Variants in SLCO3A1 observed in about 807,000 individuals in gnomAD.
SLCO3A1 encodes PGE1 transporter.
Under a neutral mutation model 63.1 loss-of-function variants are expected in SLCO3A1, and 27 were observed. The ratio of observed to expected loss-of-function variants is 0.43; its 90% CI spans 0.32 to 0.59. The LOEUF (loss-of-function observed/expected upper bound fraction) is 0.59. SLCO3A1 is among the 20% of genes least tolerant of loss of function. SLCO3A1 has a pLI of 0.09. For synonymous variants in SLCO3A1, 473 were observed against 409.9 expected (o/e 1.15, Z -1.86); for missense variants, 773 against 945.8 (o/e 0.82, Z 2.40).
intron 7 of SLCO3A1, among the ~76,000 whole-genome samples, chr15:92,136,855 G>A (rs144149066): frequency 1.3e-4 from 20 of 152,042 alleles, no homozygotes; most frequent in African/African-American, 4.8e-4. Flanking sequence ...ATTTTGTTTG[G>A]CTTTTTCAGT....
chr15:91,901,330 G>C (rs1472564841), intron 1 of SLCO3A1, among the ~76,000 whole-genome samples: 7 of 152,176 alleles, frequency 4.6e-5, no homozygotes, highest in Non-Finnish European at 8.8e-5. Flanking sequence ...TAAATGAAGT[G>C]TTATGGTTCT....
In SLCO3A1 at chr15:92,033,004, G is replaced by T. The variant is rs1019048984; in HGVS notation, c.647-61877G>T. On this transcript the variant is annotated intron_variant, in intron 2 of 9. Coordinates refer to ENST00000318445, the MANE Select transcript of SLCO3A1 (RefSeq NM_013272.4). This position sits in a 1 kb window ranked among gnomAD's most constrained non-coding sequence, Gnocchi z 4.5. ...GAGGCATCAGGGGAAGTCCATGTCAGTGGATTTAGCTGGTAGTGTGGGATG... is the reference window on the plus strand; with the variant it reads ...GAGGCATCAGGGGAAGTCCATGTCATTGGATTTAGCTGGTAGTGTGGGATG... 6.6e-6 allele frequency among the ~76,000 whole-genome samples: 1 copy of T among 152,202 alleles called. No homozygotes were observed. Among genetic ancestry groups the T allele is most frequent in the East Asian group, 1.9e-4 (1 of 5,190 alleles).
chr15:91,980,837 A>G (rs1006833334), intron 2 of SLCO3A1, among the ~76,000 whole-genome samples: 1 of 152,158 alleles, frequency 6.6e-6, no homozygotes, highest in Non-Finnish European at 1.5e-5. Context: ...TACTTTTCCC[A>G]GGTCCGGGAA....
At position 91,894,336 on chromosome 15, in the gene SLCO3A1, C is replaced by T. The variant is rs147390048; in HGVS notation, c.181-21657C>T. Among the ~76,000 whole-genome samples the T allele has an allele frequency of 6.6e-6, 1 of 152,240 alleles. No homozygotes were observed. The highest frequency in any genetic ancestry group is 2.4e-5 in the African/African-American group (1 of 41,528). On this transcript the variant is annotated intron_variant, in intron 1 of 9. Coordinates refer to ENST00000318445, the MANE Select transcript of SLCO3A1 (RefSeq NM_013272.4). This position sits in a 1 kb window ranked among gnomAD's most constrained non-coding sequence, Gnocchi z 4.8. ...GGAGCCATTGGAAAATACTGAGTAA[C>T]TTGCCATGATGTGACTTTGGTACTC...
chr15:92,146,520 A>G (rs1310602618), intron 7 of SLCO3A1, among the ~76,000 whole-genome samples: 1 of 152,228 alleles, frequency 6.6e-6, no homozygotes, highest in Non-Finnish European at 1.5e-5. Context: ...CTTTGTTCCA[A>G]GTGCCGTGTT....
At chr15:92,162,041 CT>C (rs1391043968) in intron 9 of SLCO3A1, 1 of 152,024 alleles carries the variant, frequency 6.6e-6, no homozygotes, top group East Asian at 1.9e-4. Context: ...CCGTCTTGGC[CT>C]TCTCAGGCTC....
chr15:92,165,736 C>T lies in SLCO3A1; in HGVS notation c.*2601C>T, dbSNP rs949279363. 9 of 984,896 alleles carry T rather than the reference C, an allele frequency of 9.1e-6. No homozygotes were observed. The Admixed American group carries it at 3.7e-4, about 40-fold the overall frequency. The allele number at this position is 984,896 out of a possible 1,614,324, so 61.0% of individuals were successfully genotyped here. A position where few individuals can be genotyped will look rare whatever the true frequency, so the allele number is the denominator to read the frequency against. On this transcript the variant is annotated 3_prime_UTR_variant, in exon 10 of 10. Transcript: ENST00000318445. ...TATAGTACCGAACAGAAAACTCAGT[C>T]TAGTTTTAATTTGCCTTTTGTGCTC...
chr15:92,037,682 A>C (rs932056564), intron 2 of SLCO3A1, among the ~76,000 whole-genome samples: 12 of 152,232 alleles, frequency 7.9e-5, no homozygotes, highest in African/African-American at 2.9e-4. Context: ...TCTCACTGTC[A>C]AGCCAACTGT....
chr15:92,047,464 AATATATAAATATATATAAATAT>A lies in SLCO3A1; in HGVS notation c.647-47389_647-47368del, dbSNP rs1234369626. ...AAATATATAATATATAAATATATATAATATATAAATATATATAAATATATATATAAATATATATAAATATATA... is the reference window on the plus strand; with the variant it reads ...AAATATATAATATATAAATATATATAATATATAAATATATATAAATATATA... On this transcript the variant is annotated intron_variant, in intron 2 of 9. Transcript: ENST00000318445. Among the ~76,000 whole-genome samples the A allele has an allele frequency of 4.3e-3, 123 of 28,360 alleles. 22 individuals carry two copies. Among genetic ancestry groups the A allele is most frequent in the African/African-American group, 0.013 (118 of 9,402 alleles). The allele number at this position is 28,360 out of a possible 152,430, so 18.6% of individuals were successfully genotyped here.
At chr15:92,040,827 G>T (rs2046788274) in intron 2 of SLCO3A1, among the ~76,000 whole-genome samples, 1 of 152,164 alleles carries the variant, frequency 6.6e-6, no homozygotes, top group Non-Finnish European at 1.5e-5. Flanking sequence ...AAAAGTGTCT[G>T]TGGAGCTGTT....
chr15:92,060,504 GTT>G (rs748865613), intron 2 of SLCO3A1, among the ~76,000 whole-genome samples: 3 of 143,300 alleles, frequency 2.1e-5, no homozygotes, highest in Non-Finnish European at 3.1e-5. Context: ...AGTGAGCCGA[GTT>G]TTTTTTTTTT....
intron 6 of SLCO3A1, 33 bp downstream of exon 6, chr15:92,126,292 C>G: frequency 6.3e-7 from 1 of 1,581,178 alleles, no homozygotes; most frequent in Non-Finnish European, 8.7e-7. Flanking sequence ...GCCTTCCTGC[C>G]TGTTCAGGGA....
intron 2 of SLCO3A1, among the ~76,000 whole-genome samples, chr15:92,027,442 G>T (rs1475559731): frequency 6.6e-6 from 1 of 152,174 alleles, no homozygotes; most frequent in Non-Finnish European, 1.5e-5. Flanking sequence ...CGATATTGTG[G>T]ATGAGCAAAT....
At chr15:92,041,916 T>C (rs768820380) in intron 2 of SLCO3A1, among the ~76,000 whole-genome samples, 2 of 152,102 alleles carry the variant, frequency 1.3e-5, no homozygotes, top group African/African-American at 4.8e-5. Context: ...AATCATGTAA[T>C]TGGAGGGTTG....
exon 11 of SLCO3A1, chr15:92,171,814 C>T (rs751325630): frequency 6.4e-7 from 1 of 1,551,624 alleles, no homozygotes; most frequent in African/African-American, 1.4e-5. Flanking sequence ...CTGAGAAAAC[C>T]TGCCCCGAAT....
At chr15:91,907,591 C>T (rs1413122033) in intron 1 of SLCO3A1, among the ~76,000 whole-genome samples, 1 of 151,842 alleles carries the variant, frequency 6.6e-6, no homozygotes. Context: ...GTGGCATGAT[C>T]TTGGCTCACT....
At chr15:92,021,384 C>T (rs1030943489) in intron 2 of SLCO3A1, among the ~76,000 whole-genome samples, 1 of 152,196 alleles carries the variant, frequency 6.6e-6, no homozygotes, top group African/African-American at 2.4e-5. Flanking sequence ...CCCATGAGGG[C>T]AAGAGACTGT....
chr15:92,142,430 G>A (rs920943733), intron 7 of SLCO3A1, among the ~76,000 whole-genome samples: 1 of 152,198 alleles, frequency 6.6e-6, no homozygotes, highest in Admixed American at 6.5e-5. Context: ...GTGTCTTCAT[G>A]TGGTGGGAGG....
Position 92,142,877 on chromosome 15 carries a change from T to C in SLCO3A1, c.1513-4107T>C, listed in dbSNP as rs185100045. ...CCAGTTTCCTCTTTTATGGTAAATA[T>C]AATATAATCGAGCCATAGCCTAGGT... On this transcript the variant is annotated intron_variant, in intron 7 of 9. Transcript: ENST00000318445. 4.9e-3 allele frequency among the ~76,000 whole-genome samples: 744 copies of C among 152,198 alleles called. 8 individuals carry two copies. Among genetic ancestry groups the C allele is most frequent in the Middle Eastern group, 0.017 (5 of 294 alleles).
Sources: gnomAD v4.1 joint callset for allele counts (sites outside exome capture counted in the v4.1 genomes callset) on GRCh38, gnomAD v4.1.1 for gene constraint, Gnocchi (gnomAD v3.1) non-coding constraint, MANE v1.5 for transcripts, NCBI Gene and HGNC (gene_info 2026-07-23, HGNC 2026-07-21) for gene names.